MGLL: variants seen among roughly 807,000 people sequenced by gnomAD.
MGLL encodes monoglyceride lipase, also known as lysophospholipase homolog.
A neutral mutation model predicts 29.1 loss-of-function variants in MGLL; 7 were observed. That is an observed-to-expected ratio of 0.24 (90% CI 0.14 to 0.45). MGLL has a LOEUF of 0.45. Among genes scored for constraint, MGLL ranks in the 20% least tolerant of loss-of-function variants. The probability of loss-of-function intolerance (pLI) is 0.99; values close to 1 mark genes in which losing one functional copy is unlikely to be tolerated. For synonymous variants in MGLL, 148 were observed against 168.3 expected (o/e 0.88, Z 0.93); for missense variants, 356 against 413.6 (o/e 0.86, Z 1.21).
intron 5 of MGLL, among the ~76,000 whole-genome samples, chr3:127,718,667 T>TC (rs2075861546): frequency 6.6e-6 from 1 of 151,880 alleles, no homozygotes; most frequent in Admixed American, 6.5e-5. Context: ...TGGAGCAAGC[T>TC]CCCATTTGTG....
At chr3:127,815,775 G>T (rs1008008896) in intron 2 of MGLL, among the ~76,000 whole-genome samples, 2 of 152,206 alleles carry the variant, frequency 1.3e-5, no homozygotes, top group African/African-American at 2.4e-5. Flanking sequence ...TTGCACAAAG[G>T]CTCTGCGTGG....
chr3:127,726,165 A>G (rs1233654769), intron 3 of MGLL, among the ~76,000 whole-genome samples: 1 of 30,740 alleles, frequency 3.3e-5, no homozygotes, highest in African/African-American at 1.2e-4. Flanking sequence ...AGAAAGAAAG[A>G]AAGAAAGAAA....
At chr3:127,736,460 C>T (rs762702636) in intron 3 of MGLL, 6 of 611,704 alleles carry the variant, frequency 9.8e-6, no homozygotes, top group Non-Finnish European at 1.2e-5. Context: ...GAAATGGCTC[C>T]GCTGCCCTGG....
intron 5 of MGLL, among the ~76,000 whole-genome samples, chr3:127,716,842 C>G (rs920184479): frequency 6.6e-6 from 1 of 152,234 alleles, no homozygotes; most frequent in Non-Finnish European, 1.5e-5. Context: ...GTGGGGGACA[C>G]AGCAGGTACC....
intron 2 of MGLL, among the ~76,000 whole-genome samples, chr3:127,807,640 C>G (rs953826958): frequency 2.7e-5 from 4 of 150,514 alleles, no homozygotes; most frequent in Admixed American, 1.3e-4. Context: ...AGGGAGGTCT[C>G]TTGGCCACTA....
chr3:127,714,123 G>A (rs1167844189), intron 5 of MGLL: 1 of 150,794 alleles, frequency 6.6e-6, no homozygotes, highest in Admixed American at 6.6e-5. Context: ...GCCACTTCCT[G>A]AGAAGTATTT....
At chr3:127,803,388 G>A (rs1340783904) in intron 2 of MGLL, among the ~76,000 whole-genome samples, 3 of 152,208 alleles carry the variant, frequency 2.0e-5, no homozygotes, top group African/African-American at 4.8e-5. Flanking sequence ...TGGGGTGGGG[G>A]TGAAGATATT....
At position 127,694,977 on chromosome 3, in the gene MGLL, T is replaced by TGA; in HGVS notation, c.812_813dup (p.Lys272SerfsTer26). Reference sequence around the variant, plus strand: ...GTGGGCAAGTGGCAGCCGCTCACCTTGAGAGTCTTGTCCTGGCTCTTGGCT... The same window carrying TGA: ...GTGGGCAAGTGGCAGCCGCTCACCTTGAGAGAGTCTTGTCCTGGCTCTTGGCT... On this transcript the variant is annotated frameshift_variant, in exon 7 of 8. Coordinates refer to ENST00000265052, the MANE Select transcript of MGLL (RefSeq NM_007283.7). LOFTEE classifies it high-confidence loss of function. The TGA allele has an allele frequency of 6.2e-7, 1 of 1,613,662 alleles. No individual in the cohort carries two copies. The highest frequency in any genetic ancestry group is 8.5e-7 in the Non-Finnish European group (1 of 1,179,840).
chr3:127,800,227 C>T (rs916957352), intron 2 of MGLL, among the ~76,000 whole-genome samples: 3 of 152,146 alleles, frequency 2.0e-5, no homozygotes, highest in African/African-American at 4.8e-5. Flanking sequence ...CATGTGGAGC[C>T]CAGTGACCCT....
chr3:127,740,392 A>G (rs574458613), intron 3 of MGLL, among the ~76,000 whole-genome samples: 1 of 152,078 alleles, frequency 6.6e-6, no homozygotes, highest in African/African-American at 2.4e-5. Flanking sequence ...TGACTGCTCT[A>G]GGACTTCATG....
At chr3:127,814,404 C>A (rs889446305) in intron 2 of MGLL, among the ~76,000 whole-genome samples, 2 of 152,154 alleles carry the variant, frequency 1.3e-5, no homozygotes, top group Non-Finnish European at 2.9e-5. Flanking sequence ...TCTTGGATGA[C>A]CCTGCAATAT....
intron 3 of MGLL, among the ~76,000 whole-genome samples, chr3:127,741,751 A>T (rs1032760461): frequency 6.6e-6 from 1 of 152,228 alleles, no homozygotes; most frequent in Non-Finnish European, 1.5e-5. Flanking sequence ...CTACAGGAAG[A>T]TCGTGCAAGC....
At chr3:127,791,915 C>T (rs189866715) in intron 2 of MGLL, among the ~76,000 whole-genome samples, 2 of 152,276 alleles carry the variant, frequency 1.3e-5, no homozygotes, top group African/African-American at 4.8e-5. Context: ...TACTAAAATA[C>T]AAAACAGCCG....
intron 2 of MGLL, among the ~76,000 whole-genome samples, chr3:127,806,621 G>A (rs2077570750): frequency 6.6e-6 from 1 of 152,002 alleles, no homozygotes; most frequent in South Asian, 2.1e-4. Flanking sequence ...AGATGTATGG[G>A]TGGGTGGATA....
intron 3 of MGLL, among the ~76,000 whole-genome samples, chr3:127,773,257 C>T (rs2076978494): frequency 6.6e-6 from 1 of 152,244 alleles, no homozygotes; most frequent in African/African-American, 2.4e-5. Context: ...AAATTCTAGA[C>T]CCCTTGAACT....
At chr3:127,719,898 T>A (rs2075886202) in intron 5 of MGLL, among the ~76,000 whole-genome samples, 2 of 152,202 alleles carry the variant, frequency 1.3e-5, no homozygotes, top group African/African-American at 4.8e-5. Flanking sequence ...TAAATCATCG[T>A]TCTCTGGCTA....
At chr3:127,792,418 C>T (rs2077314935) in intron 2 of MGLL, among the ~76,000 whole-genome samples, 1 of 152,122 alleles carries the variant, frequency 6.6e-6, no homozygotes, top group Non-Finnish European at 1.5e-5. Context: ...ATAATCCCTG[C>T]CTTGGCAGGT....
Position 127,764,304 on chromosome 3 carries a change from C to T in MGLL, c.262+17485G>A, listed in dbSNP as rs528094892. On this transcript the variant is annotated intron_variant, in intron 3 of 7. Coordinates refer to ENST00000265052, the MANE Select transcript of MGLL (RefSeq NM_007283.7). ...ACTCTGTCTCATTTGGGGAAGAAGT[C>T]GTGCCAGAGAGAACGAGGCTGCAGA... Among the ~76,000 whole-genome samples, 14 of 152,314 alleles carry T rather than the reference C, an allele frequency of 9.2e-5. No individual in the cohort carries two copies. In the South Asian group the frequency reaches 1.0e-3, roughly 11 times the overall value.
intron 3 of MGLL, among the ~76,000 whole-genome samples, chr3:127,767,188 C>T (rs565381662): frequency 9.2e-5 from 14 of 151,650 alleles, no homozygotes; most frequent in Admixed American, 9.2e-4. Flanking sequence ...TCACTATCAC[C>T]ATCACCATCT....
Sources: allele counts gnomAD v4.1 joint callset (sites outside exome capture counted in the v4.1 genomes callset), GRCh38; gene constraint gnomAD v4.1.1; transcripts MANE v1.5; gene names NCBI Gene and HGNC (gene_info 2026-07-23, HGNC 2026-07-21).